SESN3: variants seen among roughly 807,000 people sequenced by gnomAD.
The protein encoded by SESN3 is sestrin-3.
A neutral mutation model predicts 55.3 loss-of-function variants in SESN3; 21 were observed. The observed-to-expected ratio is 0.38, with a 90% CI of 0.27 to 0.55. SESN3 has a LOEUF of 0.55. SESN3 is among the 20% of genes least tolerant of loss of function. The probability of loss-of-function intolerance (pLI) is 0.76; values close to 1 mark genes in which losing one functional copy is unlikely to be tolerated. For missense variants in SESN3, 408 were observed against 604.3 expected, an observed-to-expected ratio of 0.68 and a Z score of 3.41; for synonymous variants, 181 against 203.1, an observed-to-expected ratio of 0.89 and a Z score of 0.93.
At chr11:95,191,648 A>G in intron 2 of SESN3, 47 bp from the exon 3 acceptor site, 1 of 1,448,154 alleles carries the variant, frequency 6.9e-7, no homozygotes, top group Non-Finnish European at 9.7e-7. Flanking sequence ...AGACATAAAC[A>G]CACCCTTGGT....
chr11:95,216,881 G>T (rs1860768283), intron 1 of SESN3, among the ~76,000 whole-genome samples: 1 of 152,024 alleles, frequency 6.6e-6, no homozygotes. Context: ...GCTGAGGCAG[G>T]TGGATTATGA....
chr11:95,187,815 G>A (rs1860194167), intron 4 of SESN3, among the ~76,000 whole-genome samples: 1 of 151,574 alleles, frequency 6.6e-6, no homozygotes, highest in Non-Finnish European at 1.5e-5. Context: ...ATTTCCTTTA[G>A]TAAGTGGACA....
In SESN3 at chr11:95,212,129, A is replaced by G. The variant is rs532405370; in HGVS notation, c.79-18607T>C. On this transcript the variant is annotated intron_variant, in intron 1 of 9. Transcript: ENST00000536441. Reference sequence around the variant, plus strand: ...AAAATCATTAAAAATAGTCCACTGAAACCACATACCTAAGCCTTAAACATA... The same window carrying G: ...AAAATCATTAAAAATAGTCCACTGAGACCACATACCTAAGCCTTAAACATA... Among the ~76,000 whole-genome samples the G allele has an allele frequency of 3.9e-5, 6 of 152,296 alleles. No individual in the cohort carries two copies. The South Asian group carries it at 8.3e-4, about 21-fold the overall frequency.
Position 95,199,970 on chromosome 11 carries a change from C to A in SESN3, c.79-6448G>T, listed in dbSNP as rs1860431873. Among the ~76,000 whole-genome samples, 3 of 151,720 alleles carry A rather than the reference C, an allele frequency of 2.0e-5. 1 individual carries two copies. In the South Asian group the frequency reaches 6.3e-4, roughly 32 times the overall value. On this transcript the variant is annotated intron_variant, in intron 1 of 9. Coordinates refer to ENST00000536441, the MANE Select transcript of SESN3 (RefSeq NM_144665.4). The stretch of plus-strand genomic sequence containing the variant: ...ATCCTTAGAAGATAATTTAATGGTG[C>A]CAACATTCTTTTTTAAATACACTAC...
intron 1 of SESN3, among the ~76,000 whole-genome samples, chr11:95,221,847 T>C (rs1591079447): frequency 1.3e-5 from 2 of 152,164 alleles, no homozygotes; most frequent in African/African-American, 4.8e-5. Flanking sequence ...CATAGACCAA[T>C]AAATGACTCA....
chr11:95,188,550 C>T (rs1860208576), intron 4 of SESN3, among the ~76,000 whole-genome samples: 1 of 151,784 alleles, frequency 6.6e-6, no homozygotes, highest in South Asian at 2.1e-4. Context: ...ACATAAACAT[C>T]GCTGCACTTC....
intron 1 of SESN3, among the ~76,000 whole-genome samples, chr11:95,225,161 T>C (rs1221237404): frequency 6.6e-6 from 1 of 152,208 alleles, no homozygotes; most frequent in East Asian, 1.9e-4. Context: ...TGATTAATAC[T>C]AAGGGGCTAG....
At chr11:95,227,687 T>C (rs1177377839) in intron 1 of SESN3, among the ~76,000 whole-genome samples, 1 of 152,244 alleles carries the variant, frequency 6.6e-6, no homozygotes, top group East Asian at 1.9e-4. Flanking sequence ...AAACTATTCA[T>C]TTAAGTAGCA....
intron 1 of SESN3, among the ~76,000 whole-genome samples, chr11:95,223,083 T>C (rs1489511278): frequency 6.6e-6 from 1 of 152,156 alleles, no homozygotes; most frequent in Non-Finnish European, 1.5e-5. Flanking sequence ...CTTATGCTTA[T>C]GCCTTCAAGA....
chr11:95,208,410 T>C lies in SESN3; in HGVS notation c.79-14888A>G, dbSNP rs959935013. On this transcript the variant is annotated intron_variant, in intron 1 of 9. Coordinates refer to ENST00000536441, the MANE Select transcript of SESN3 (RefSeq NM_144665.4). ...ATACAGCTGTTCCTTCCCAAGAATGTAATCTCCAAAAAATACATTTTTTTC... is the reference window on the plus strand; with the variant it reads ...ATACAGCTGTTCCTTCCCAAGAATGCAATCTCCAAAAAATACATTTTTTTC... 7.9e-5 allele frequency among the ~76,000 whole-genome samples: 12 copies of C among 151,470 alleles called. 1 individual carries two copies. The highest frequency in any genetic ancestry group is 4.4e-5 in the Non-Finnish European group (3 of 67,826).
chr11:95,181,289 G>A (rs1860054523), intron 6 of SESN3, among the ~76,000 whole-genome samples: 1 of 152,052 alleles, frequency 6.6e-6, no homozygotes. Flanking sequence ...AATAAGAGAA[G>A]TGATCCTAGG....
At chr11:95,231,294 G>T (rs2134279548), upstream of SESN3, 1 of 391,052 alleles carries the variant, frequency 2.6e-6, no homozygotes, top group East Asian at 3.7e-5. Flanking sequence ...ACGCCCCCAG[G>T]GCGCTAGCCC....
At chr11:95,214,755 A>G (rs949606868) in intron 1 of SESN3, among the ~76,000 whole-genome samples, 2 of 152,210 alleles carry the variant, frequency 1.3e-5, no homozygotes, top group African/African-American at 4.8e-5. Context: ...GAAAGCTTAA[A>G]ATATCAATCT....
chr11:95,205,097 T>C (rs1435206934), intron 1 of SESN3, among the ~76,000 whole-genome samples: 2 of 152,160 alleles, frequency 1.3e-5, no homozygotes, highest in Non-Finnish European at 2.9e-5. Context: ...TCTATGTGGA[T>C]ACAACAATAC....
intron 1 of SESN3, among the ~76,000 whole-genome samples, chr11:95,226,556 AACAATAAATTTGTGTTCTC>A (rs1347482452): frequency 6.6e-6 from 1 of 152,258 alleles, no homozygotes; most frequent in Non-Finnish European, 1.5e-5. Context: ...AACTACTGAT[AACAATAAATTTGTGTTCTC>A]ACAAGTAAAC....
chr11:95,220,515 A>G (rs928819528), intron 1 of SESN3, among the ~76,000 whole-genome samples: 27 of 152,216 alleles, frequency 1.8e-4, no homozygotes, highest in Non-Finnish European at 8.8e-5. Flanking sequence ...AGATAACTAT[A>G]TAGGATAAAA....
intron 1 of SESN3, among the ~76,000 whole-genome samples, chr11:95,205,608 C>T (rs1036455466): frequency 6.6e-6 from 1 of 151,988 alleles, no homozygotes; most frequent in Admixed American, 6.6e-5. Flanking sequence ...AATAAGGCAG[C>T]TGAAATTTAG....
chr11:95,172,327 A>G lies in SESN3; in HGVS notation c.*928T>C, dbSNP rs1438207417. On this transcript the variant is annotated 3_prime_UTR_variant, in exon 10 of 10. Coordinates refer to ENST00000536441, the MANE Select transcript of SESN3 (RefSeq NM_144665.4). ...CTTCCTTTGCTTAACGAAATATAGAAAAAAACTATGAGAAAGGAAAAATGT... is the reference window on the plus strand; with the variant it reads ...CTTCCTTTGCTTAACGAAATATAGAGAAAAACTATGAGAAAGGAAAAATGT... The G allele has an allele frequency of 6.6e-6, 1 of 152,180 alleles. No individual in the cohort carries two copies. The highest frequency in any genetic ancestry group is 2.4e-5 in the African/African-American group (1 of 41,462). 9.4% of individuals were successfully genotyped at this position (152,180 alleles called of 1,614,324 possible).
chr11:95,221,777 T>A (rs546932522), intron 1 of SESN3, among the ~76,000 whole-genome samples: 2 of 152,206 alleles, frequency 1.3e-5, no homozygotes, highest in Non-Finnish European at 2.9e-5. Flanking sequence ...CCAGCCTAAA[T>A]AGGAATAAAA....
Sources: allele counts gnomAD v4.1 joint callset (sites outside exome capture counted in the v4.1 genomes callset), GRCh38; gene constraint gnomAD v4.1.1; transcripts MANE v1.5; gene names NCBI Gene and HGNC (gene_info 2026-07-23, HGNC 2026-07-21).